Variants in MLANA observed in about 807,000 individuals in gnomAD.
MLANA encodes the protein melan-A.
A neutral mutation model predicts 15.7 loss-of-function variants in MLANA; 21 were observed. The observed-to-expected ratio is 1.33, with a 90% CI of 0.95 to 1.92. The LOEUF is 1.92. Ranked by LOEUF, MLANA falls within the 40% of genes most tolerant of loss-of-function variation. MLANA has a pLI of 0.00. For missense variants in MLANA, 164 were observed against 143.8 expected (o/e 1.14, Z -0.72); for synonymous variants, 56 against 51.5 (o/e 1.09, Z -0.37).
chr9:5,909,120 T>C lies in MLANA; in HGVS notation c.*412T>C, dbSNP rs1460326402. The stretch of plus-strand genomic sequence containing the variant: ...ACTGTACACAGAATTGTTCCAGTAC[T>C]ATGGAGTGCTCACAAAGGATACTTT... On this transcript the variant is annotated 3_prime_UTR_variant, in exon 5 of 5. Transcript: ENST00000381477. The C allele has an allele frequency of 5.5e-6, 1 of 183,194 alleles. No individual in the cohort carries two copies. Among genetic ancestry groups the C allele is most frequent in the Non-Finnish European group, 1.1e-5 (1 of 87,792 alleles). The allele number at this position is 183,194 out of a possible 1,614,324, so 11.3% of individuals were successfully genotyped here.
At chr9:5,901,173 AG>A (rs1469899208) in intron 3 of MLANA, among the ~76,000 whole-genome samples, 2 of 152,136 alleles carry the variant, frequency 1.3e-5, no homozygotes, top group Non-Finnish European at 2.9e-5. Flanking sequence ...TGACAAGGGC[AG>A]TTTTATTTTT....
At position 5,910,268 on chromosome 9, in the gene MLANA, G is replaced by C. The variant is rs973358559; in HGVS notation, c.*1560G>C. ...TCATCTTGTCTCATCAGAAACACTA[G>C]TGTAACATAACTGCATCATTTTCTA... On this transcript the variant is annotated 3_prime_UTR_variant, in exon 5 of 5. Coordinates refer to ENST00000381477, the MANE Select transcript of MLANA (RefSeq NM_005511.2). The C allele has an allele frequency of 2.6e-5, 4 of 152,082 alleles. No homozygotes were observed. The highest frequency in any genetic ancestry group is 9.7e-5 in the African/African-American group (4 of 41,392). 9.4% of individuals were successfully genotyped at this position (152,082 alleles called of 1,614,324 possible).
intron 2 of MLANA, among the ~76,000 whole-genome samples, chr9:5,896,157 T>C (rs1831999928): frequency 6.6e-6 from 1 of 152,220 alleles, no homozygotes. Flanking sequence ...TGCCACTTGC[T>C]GGTTGTGCAG....
intron 3 of MLANA, among the ~76,000 whole-genome samples, chr9:5,900,377 T>A (rs1331381): frequency 0.65 from 98,697 of 152,002 alleles, 33,631 homozygotes; most frequent in Non-Finnish European, 0.75. Context: ...ATTTATTTTT[T>A]AAATTAATAT....
At chr9:5,897,460 G>A (rs947962924) in intron 2 of MLANA, 97 bp from the exon 3 acceptor site, 21 of 1,155,634 alleles carry the variant, frequency 1.8e-5, no homozygotes, top group Middle Eastern at 2.0e-4. Context: ...GCTCTGGGTC[G>A]TCAAAGTCCA....
chr9:5,898,646 T>G (rs573887964), intron 3 of MLANA, among the ~76,000 whole-genome samples: 2 of 152,304 alleles, frequency 1.3e-5, no homozygotes, highest in Admixed American at 6.5e-5. Flanking sequence ...GGTTCCCTTA[T>G]AGCAAACAGG....
chr9:5,910,161 G>A lies in MLANA; in HGVS notation c.*1453G>A, dbSNP rs1563826089. The stretch of plus-strand genomic sequence containing the variant: ...AGGCTGTCTTTGACATAACTGGAAG[G>A]CTTACAAGAGTTTTAAAGAAATTAC... On this transcript the variant is annotated 3_prime_UTR_variant, in exon 5 of 5. Transcript: ENST00000381477. The A allele has an allele frequency of 6.6e-6, 1 of 152,126 alleles. No homozygotes were observed. The highest frequency in any genetic ancestry group is 1.5e-5 in the Non-Finnish European group (1 of 68,028). 9.4% of individuals were successfully genotyped at this position (152,126 alleles called of 1,614,324 possible). A position where few individuals can be genotyped will look rare whatever the true frequency, so the allele number is the denominator to read the frequency against.
intron 1 of MLANA, 181 bp downstream of exon 1, chr9:5,891,117 CCT>C (rs1831632376): frequency 6.6e-6 from 1 of 152,180 alleles, no homozygotes; most frequent in African/African-American, 2.4e-5. Flanking sequence ...CCTCCTGAAT[CCT>C]CTCTCAGTCC....
intron 2 of MLANA, among the ~76,000 whole-genome samples, chr9:5,893,095 TA>T (rs2129885420): frequency 6.6e-6 from 1 of 152,322 alleles, no homozygotes; most frequent in African/African-American, 2.4e-5. Flanking sequence ...TTTATATGAT[TA>T]AGCATTTCTA....
At chr9:5,893,801 T>C (rs1019652686) in intron 2 of MLANA, among the ~76,000 whole-genome samples, 1 of 152,168 alleles carries the variant, frequency 6.6e-6, no homozygotes, top group African/African-American at 2.4e-5. Context: ...CTGAAGATGT[T>C]GTGCCATCAC....
At chr9:5,892,658 C>T (rs1831730975) in intron 2 of MLANA, 107 bp downstream of exon 2, 1 of 843,218 alleles carries the variant, frequency 1.2e-6, no homozygotes, top group African/African-American at 1.7e-5. Context: ...TAGTGTTTAT[C>T]TCCCCAGACA....
At chr9:5,896,188 T>C (rs541839190) in intron 2 of MLANA, among the ~76,000 whole-genome samples, 1 of 152,320 alleles carries the variant, frequency 6.6e-6, no homozygotes, top group East Asian at 1.9e-4. Context: ...TTGACCAGCA[T>C]AATGTCAGCT....
chr9:5,895,383 C>CTT (rs547452355), intron 2 of MLANA, among the ~76,000 whole-genome samples: 1 of 143,766 alleles, frequency 7.0e-6, no homozygotes, highest in African/African-American at 2.5e-5. Flanking sequence ...GGGCCATCTT[C>CTT]TTTTTTTTTT....
intron 3 of MLANA, chr9:5,899,113 T>C (rs1264650921): frequency 2.0e-5 from 3 of 152,182 alleles, no homozygotes; most frequent in Non-Finnish European, 2.9e-5. Context: ...GCATTCTCCA[T>C]AGATCTCGCT....
At chr9:5,907,854 G>A (rs1026084066) in intron 4 of MLANA, among the ~76,000 whole-genome samples, 4 of 152,344 alleles carry the variant, frequency 2.6e-5, no homozygotes, top group South Asian at 2.1e-4. Flanking sequence ...TTGGGACGCT[G>A]AGGCAGGAGA....
chr9:5,909,635 T>C lies in MLANA; in HGVS notation c.*927T>C, dbSNP rs932356670. Reference sequence around the variant, plus strand: ...CAAGGCTCAATGCTATTCTAACTAATGACAAGTATTTTCTACTAAACCAGA... The same window carrying C: ...CAAGGCTCAATGCTATTCTAACTAACGACAAGTATTTTCTACTAAACCAGA... On this transcript the variant is annotated 3_prime_UTR_variant, in exon 5 of 5. Transcript: ENST00000381477. 6.6e-6 allele frequency: 1 copy of C among 152,258 alleles called. No individual in the cohort carries two copies. The highest frequency in any genetic ancestry group is 1.5e-5 in the Non-Finnish European group (1 of 68,054). 9.4% of individuals were successfully genotyped at this position (152,258 alleles called of 1,614,324 possible). A position where few individuals can be genotyped will look rare whatever the true frequency, so the allele number is the denominator to read the frequency against.
chr9:5,906,510 A>G (rs754202167), intron 3 of MLANA, among the ~76,000 whole-genome samples: 1 of 152,194 alleles, frequency 6.6e-6, no homozygotes, highest in Non-Finnish European at 1.5e-5. Context: ...GAATTCCCTC[A>G]ATTTTTGCTT....
rs1225467952 is a variant in MLANA at position 5,910,195 on chromosome 9, T to C, written c.*1487T>C. ...AGTTTTAAAGAAATTACTTTCTCAC[T>C]ATATGATTCATTGCTATTTAACGGT... On this transcript the variant is annotated 3_prime_UTR_variant, in exon 5 of 5. Coordinates refer to ENST00000381477, the MANE Select transcript of MLANA (RefSeq NM_005511.2). The C allele has an allele frequency of 3.3e-5, 5 of 152,336 alleles. No individual in the cohort carries two copies. The East Asian group carries it at 7.7e-4, about 23-fold the overall frequency. The allele number at this position is 152,336 out of a possible 1,614,324, so 9.4% of individuals were successfully genotyped here. A position where few individuals can be genotyped will look rare whatever the true frequency, so the allele number is the denominator to read the frequency against.
At chr9:5,898,605 C>A (rs569678388) in intron 3 of MLANA, among the ~76,000 whole-genome samples, 3 of 152,232 alleles carry the variant, frequency 2.0e-5, no homozygotes, top group African/African-American at 7.2e-5. Context: ...TAAGCACTGA[C>A]GGTTTATAGG....
Sources: allele counts gnomAD v4.1 joint callset (sites outside exome capture counted in the v4.1 genomes callset), GRCh38; gene constraint gnomAD v4.1.1; transcripts MANE v1.5; gene names NCBI Gene and HGNC (gene_info 2026-07-23, HGNC 2026-07-21).